The following PCDH17 variants were observed in gnomAD, a reference collection of about 807,000 sequenced individuals.
The protein encoded by PCDH17 is protocadherin-17.
Under a neutral mutation model 67.7 loss-of-function variants are expected in PCDH17, and 21 were observed. That is an observed-to-expected ratio of 0.31 (90% CI 0.22 to 0.45). The LOEUF is 0.45. Ranked by LOEUF, PCDH17 falls within the 20% of genes least tolerant of loss-of-function variation. The pLI, the probability that PCDH17 is intolerant of heterozygous loss-of-function variation, is 1.00. For missense variants in PCDH17, 1,471 were observed against 1,564.8 expected (o/e 0.94, Z 1.01); for synonymous variants, 701 against 656.7 (o/e 1.07, Z -1.03).
At chr13:57,649,006 T>C (rs912876565) in intron 1 of PCDH17, among the ~76,000 whole-genome samples, 1 of 152,068 alleles carries the variant, frequency 6.6e-6, no homozygotes, top group Non-Finnish European at 1.5e-5. Context: ...TTGCCAGCAT[T>C]TGTGTATTGC....
intron 1 of PCDH17, among the ~76,000 whole-genome samples, chr13:57,635,516 G>A (rs551629061): frequency 2.0e-4 from 31 of 151,894 alleles, no homozygotes; most frequent in Non-Finnish European, 4.3e-4. Context: ...TTTAAATGAT[G>A]CCAAAAATGA....
In PCDH17 at chr13:57,725,224, A is replaced by G. The variant is rs200974200; in HGVS notation, c.3410A>G (p.Glu1137Gly). 1 of 1,614,054 alleles carries G rather than the reference A, an allele frequency of 6.2e-7. No homozygotes were observed. Among genetic ancestry groups the G allele is most frequent in the East Asian group, 2.2e-5 (1 of 44,864 alleles). Residue 1137 changes from glutamate (E) to glycine (G), a missense_variant, in exon 4 of 4, where the codon GAA (glutamate) becomes GGA (glycine). Physicochemically the swap from Glu to Gly is moderately conservative, Grantham distance 98 (BLOSUM62 -2). Transcript: ENST00000377918. ...DLGRESVDAE[E>G]VVREIDKLLQ... ...GGCAGAGAGTCTGTGGATGCAGAGG[A>G]AGTTGTGAGAGAAATTGATAAGCTT...
At position 57,634,136 on chromosome 13, in the gene PCDH17, G is replaced by T; in HGVS notation, c.1590G>T (p.Thr530=). Residue 530 remains threonine (T), a synonymous_variant, in exon 1 of 4, where the codon ACG becomes ACT. Transcript: ENST00000377918. This position sits in a 1 kb window ranked among gnomAD's most constrained non-coding sequence, Gnocchi z 7.8. ...SIYTYVSVNP[T]NGAIYALRSF... is the part of the protein sequence containing the mutation. ...ACACCTATGTGTCTGTGAATCCCACGAACGGGGCCATCTACGCCCTGCGCT... is the reference window on the plus strand; with the variant it reads ...ACACCTATGTGTCTGTGAATCCCACTAACGGGGCCATCTACGCCCTGCGCT... 1 of 1,613,620 alleles carries T rather than the reference G, an allele frequency of 6.2e-7. No individual in the cohort carries two copies. Among genetic ancestry groups the T allele is most frequent in the Non-Finnish European group, 8.5e-7 (1 of 1,180,018 alleles).
chr13:57,706,622 T>A (rs1297610674), intron 3 of PCDH17, among the ~76,000 whole-genome samples: 1 of 152,136 alleles, frequency 6.6e-6, no homozygotes, highest in East Asian at 1.9e-4. Context: ...TTTCATCCCA[T>A]CTCTGTCCTT....
At chr13:57,696,853 G>A (rs1260831848) in intron 3 of PCDH17, among the ~76,000 whole-genome samples, 3 of 151,490 alleles carry the variant, frequency 2.0e-5, no homozygotes, top group Non-Finnish European at 4.4e-5. Context: ...GTCTGTGTTA[G>A]TAGAAGAAAG....
chr13:57,639,526 A>G (rs1268675356), intron 1 of PCDH17, among the ~76,000 whole-genome samples: 1 of 151,860 alleles, frequency 6.6e-6, no homozygotes, highest in Non-Finnish European at 1.5e-5. Flanking sequence ...AATATTAACT[A>G]ATATAACTCT....
chr13:57,642,241 A>T (rs993827097), intron 1 of PCDH17, among the ~76,000 whole-genome samples: 2 of 151,762 alleles, frequency 1.3e-5, no homozygotes, highest in African/African-American at 4.8e-5. Context: ...AACACATTAA[A>T]GGGACTATTT....
intron 3 of PCDH17, among the ~76,000 whole-genome samples, chr13:57,681,677 T>TTA (rs1327973436): frequency 6.6e-6 from 1 of 151,764 alleles, no homozygotes; most frequent in Non-Finnish European, 1.5e-5. Context: ...AAAACCACCC[T>TTA]TATATATGAG....
chr13:57,662,359 A>G (rs546482190), intron 1 of PCDH17, among the ~76,000 whole-genome samples: 71 of 152,304 alleles, frequency 4.7e-4, no homozygotes, highest in African/African-American at 1.6e-3. Flanking sequence ...TGGGGATCCA[A>G]ATTGTCTTCC....
chr13:57,634,788 A>G lies in PCDH17; in HGVS notation c.2242A>G (p.Ser748Gly). The G allele has an allele frequency of 1.9e-6, 3 of 1,614,022 alleles. No homozygotes were observed. The highest frequency in any genetic ancestry group is 2.5e-6 in the Non-Finnish European group (3 of 1,180,014). ...RTYNCRIAEYSHPQLGGGKGK... is the reference protein window; with the variant it reads ...RTYNCRIAEYGHPQLGGGKGK... ...TTACAACTGCCGCATCGCCGAGTAC[A>G]GCCACCCGCAGCTGGGTGGGGGCAA... Residue 748 changes from serine (S) to glycine (G), a missense_variant, in exon 1 of 4, where the codon AGC becomes GGC. Ser to Gly is a moderately conservative substitution (Grantham distance 56). This residue lies in a region of PCDH17 where 1,163 missense variants were observed against 1,230.0 expected (regional missense o/e 0.95). Transcript: ENST00000377918. This position sits in a 1 kb window ranked among gnomAD's most constrained non-coding sequence, Gnocchi z 7.8.
At chr13:57,671,230 G>T (rs1955317275) in intron 3 of PCDH17, among the ~76,000 whole-genome samples, 1 of 151,406 alleles carries the variant, frequency 6.6e-6, no homozygotes, top group African/African-American at 2.4e-5. Context: ...TAATAAAAAG[G>T]TAAATATGTA....
intron 3 of PCDH17, among the ~76,000 whole-genome samples, chr13:57,721,903 G>T (rs1375766791): frequency 6.6e-6 from 1 of 151,860 alleles, no homozygotes; most frequent in Non-Finnish European, 1.5e-5. Context: ...TTTCAAAAAT[G>T]ATTTCCCTCT....
intron 3 of PCDH17, among the ~76,000 whole-genome samples, chr13:57,696,583 G>A (rs57892329): frequency 0.064 from 9,629 of 151,184 alleles, 339 homozygotes; most frequent in Middle Eastern, 0.099. Flanking sequence ...TTAATTCTTC[G>A]CAGCCTGTCT....
chr13:57,724,888 T>A lies in PCDH17; in HGVS notation c.3074T>A (p.Leu1025Gln), dbSNP rs1198267761. 6.2e-7 allele frequency: 1 copy of A among 1,614,100 alleles called. No individual in the cohort carries two copies. The highest frequency in any genetic ancestry group is 8.5e-7 in the Non-Finnish European group (1 of 1,180,034). Residue 1025 changes from leucine to glutamine, a missense_variant, in exon 4 of 4, where the codon CTG becomes CAG. Physicochemically the swap from Leu to Gln is moderately radical, Grantham distance 113 (BLOSUM62 -2). Around this residue, in one of 3 missense-constraint regions of PCDH17, gnomAD observed 297 missense variants for 298.6 expected, o/e 0.99. Coordinates refer to ENST00000377918, the MANE Select transcript of PCDH17 (RefSeq NM_001040429.3). Reference protein sequence around the residue: ...VKPYLKAKRALSPLLQEVPSA... With the variant: ...VKPYLKAKRAQSPLLQEVPSA... ...CCTTATTTAAAAGCCAAACGTGCCCTGAGCCCTCTCCTCCAAGAGGTCCCC... is the reference window on the plus strand; with the variant it reads ...CCTTATTTAAAAGCCAAACGTGCCCAGAGCCCTCTCCTCCAAGAGGTCCCC...
At chr13:57,679,017 A>C (rs1955422023) in intron 3 of PCDH17, among the ~76,000 whole-genome samples, 1 of 151,514 alleles carries the variant, frequency 6.6e-6, no homozygotes, top group African/African-American at 2.4e-5. Context: ...CAAACACATT[A>C]ACATTGTGTA....
chr13:57,633,411 C>T lies in PCDH17; in HGVS notation c.865C>T (p.Arg289Cys), dbSNP rs1354350336. ...LYSFSSYVPDRVRELFSIDPK... is the reference protein window; with the variant it reads ...LYSFSSYVPDCVRELFSIDPK... ...CTCTTTCAGCAGCTACGTGCCTGACCGCGTGCGGGAGCTCTTCTCCATCGA... is the reference window on the plus strand; with the variant it reads ...CTCTTTCAGCAGCTACGTGCCTGACTGCGTGCGGGAGCTCTTCTCCATCGA... The change falls in exon 1 of 4, where the codon CGC becomes TGC. Residue 289 changes from arginine (R) to cysteine (C), a missense_variant. By Grantham distance (180) the Arg-to-Cys change is radical. Coordinates refer to ENST00000377918, the MANE Select transcript of PCDH17 (RefSeq NM_001040429.3). This position sits in a 1 kb window ranked among gnomAD's most constrained non-coding sequence, Gnocchi z 6.2. 10 of 1,613,296 alleles carry T rather than the reference C, an allele frequency of 6.2e-6. No individual in the cohort carries two copies. The highest frequency in any genetic ancestry group is 3.3e-5 in the Admixed American group (2 of 60,008).
At chr13:57,687,841 G>T (rs985289858) in intron 3 of PCDH17, among the ~76,000 whole-genome samples, 6 of 151,940 alleles carry the variant, frequency 3.9e-5, no homozygotes, top group African/African-American at 1.4e-4. Context: ...ACTGTCCAAG[G>T]CTGAAGTTGT....
intron 1 of PCDH17, among the ~76,000 whole-genome samples, chr13:57,643,750 C>T (rs1954932219): frequency 6.6e-6 from 1 of 151,694 alleles, no homozygotes; most frequent in Non-Finnish European, 1.5e-5. Context: ...CATTGTTTCA[C>T]GGCAAGACAC....
At chr13:57,679,641 T>G (rs1423159177) in intron 3 of PCDH17, among the ~76,000 whole-genome samples, 1 of 151,566 alleles carries the variant, frequency 6.6e-6, no homozygotes, top group African/African-American at 2.4e-5. Flanking sequence ...AAAATTCATA[T>G]TGAAAGATGA....
Sources: allele counts gnomAD v4.1 joint callset (sites outside exome capture counted in the v4.1 genomes callset), GRCh38; gene constraint gnomAD v4.1.1; regional missense constraint gnomAD v4.1.1; non-coding constraint Gnocchi (gnomAD v3.1); transcripts MANE v1.5; gene names NCBI Gene and HGNC (gene_info 2026-07-23, HGNC 2026-07-21).